The following WSB1 variants were observed in gnomAD, a reference collection of about 807,000 sequenced individuals.
The protein encoded by WSB1 is WD repeat and SOCS box-containing protein 1.
A neutral mutation model predicts 50.2 loss-of-function variants in WSB1; 23 were observed. The ratio of observed to expected loss-of-function variants is 0.46; its 90% confidence interval spans 0.33 to 0.65. The LOEUF (loss-of-function observed/expected upper bound fraction) is 0.65. Ranked by LOEUF, WSB1 falls within the 30% of genes least tolerant of loss-of-function variation. The pLI is 0.02. For synonymous variants in WSB1, 179 were observed against 172.0 expected (o/e 1.04, Z -0.32); for missense variants, 492 against 522.3 (o/e 0.94, Z 0.56).
Position 27,314,267 on chromosome 17 carries a change from T to C in WSB1, c.*1898T>C, listed in dbSNP as rs1393124911. The stretch of plus-strand genomic sequence containing the variant: ...CCCCTGCATTTTACTTTGTAATATA[T>C]CGGCTTTATAATTTTAAAATACACT... On this transcript the variant is annotated 3_prime_UTR_variant, in exon 9 of 9. Transcript: ENST00000262394. The C allele has an allele frequency of 2.0e-5, 3 of 152,194 alleles. No individual in the cohort carries two copies. The highest frequency in any genetic ancestry group is 7.2e-5 in the African/African-American group (3 of 41,458). 9.4% of individuals were successfully genotyped at this position (152,194 alleles called of 1,614,324 possible). A position where few individuals can be genotyped will look rare whatever the true frequency, so the allele number is the denominator to read the frequency against.
chr17:27,301,271 C>CT (rs1266070367), intron 1 of WSB1, among the ~76,000 whole-genome samples: 2 of 152,020 alleles, frequency 1.3e-5, no homozygotes, highest in Non-Finnish European at 2.9e-5. Flanking sequence ...TGACCTGGGC[C>CT]TGAAAAGGGT....
rs758957078 is a variant in WSB1 at position 27,304,885 on chromosome 17, T to C, written c.584T>C (p.Leu195Pro). The C allele has an allele frequency of 1.2e-6, 2 of 1,614,054 alleles. No homozygotes were observed. Among genetic ancestry groups the C allele is most frequent in the Non-Finnish European group, 1.7e-6 (2 of 1,179,964 alleles). Residue 195 changes from leucine (L) to proline (P), a missense_variant, in exon 4 of 9, where the codon CTC becomes CCC. Coordinates refer to ENST00000262394, the MANE Select transcript of WSB1 (RefSeq NM_015626.10). ...GTGTCAGCTTCAAGAGACAAAACTC[T>C]CAGAGTATGGGACCTGAAAGATGAT... is the stretch of plus-strand genomic sequence containing the variant. ...ILVSASRDKT[L>P]RVWDLKDDGN...
intron 8 of WSB1, among the ~76,000 whole-genome samples, chr17:27,311,901 A>C (rs543471071): frequency 1.3e-5 from 2 of 151,688 alleles, no homozygotes. Flanking sequence ...TCCCGCCTCA[A>C]CTTCCCAAAG....
rs564213739 is a variant in WSB1 at position 27,312,473 on chromosome 17, A to G, written c.*104A>G. ...CTGTTTTTAAAGACGTAGAAGATTT[A>G]TTTAATTTGATATGTTCTTGTACTG... is the stretch of plus-strand genomic sequence containing the variant. On this transcript the variant is annotated 3_prime_UTR_variant, in exon 9 of 9. Transcript: ENST00000262394. The G allele has an allele frequency of 1.4e-6, 2 of 1,446,276 alleles. No homozygotes were observed. The highest frequency in any genetic ancestry group is 2.3e-5 in the East Asian group (1 of 43,594). 89.6% of individuals were successfully genotyped at this position (1,446,276 alleles called of 1,614,324 possible). A position where few individuals can be genotyped will look rare whatever the true frequency, so the allele number is the denominator to read the frequency against.
intron 1 of WSB1, among the ~76,000 whole-genome samples, chr17:27,296,895 TTTATAAAA>T (rs1392788814): frequency 6.6e-6 from 1 of 152,210 alleles, no homozygotes; most frequent in Non-Finnish European, 1.5e-5. Flanking sequence ...TTGTGCTAGG[TTTATAAAA>T]TTGTACCAGT....
chr17:27,301,543 A>G (rs931014518), intron 1 of WSB1, among the ~76,000 whole-genome samples: 1 of 152,206 alleles, frequency 6.6e-6, no homozygotes, highest in African/African-American at 2.4e-5. Context: ...TTTTACGGAA[A>G]CTTTCTTAAA....
intron 1 of WSB1, among the ~76,000 whole-genome samples, chr17:27,294,730 G>A (rs2016878723): frequency 6.6e-6 from 1 of 152,178 alleles, no homozygotes; most frequent in Admixed American, 6.5e-5. Context: ...GGGAGTTCTT[G>A]GCTCAGGGCA....
chr17:27,312,599 A>G lies in WSB1; in HGVS notation c.*230A>G, dbSNP rs2017729938. 1 of 505,636 alleles carries G rather than the reference A, an allele frequency of 2.0e-6. No individual in the cohort carries two copies. Among genetic ancestry groups the G allele is most frequent in the African/African-American group, 2.0e-5 (1 of 50,270 alleles). The allele number at this position is 505,636 out of a possible 1,614,324, so 31.3% of individuals were successfully genotyped here. ...TTTTTAAAGATCTAACTGTGAAAAC[A>G]TACATACCTGTACATATTTAGATAT... On this transcript the variant is annotated 3_prime_UTR_variant, in exon 9 of 9. Transcript: ENST00000262394.
At chr17:27,300,696 G>GT (rs561073047) in intron 1 of WSB1, among the ~76,000 whole-genome samples, 16,162 of 139,946 alleles carry the variant, frequency 0.12, 2,400 homozygotes, top group African/African-American at 0.35. Context: ...GGTTTTTTTT[G>GT]TTTTTTTTTT....
chr17:27,308,456 A>C (rs1443959376), intron 5 of WSB1: 1 of 984,628 alleles, frequency 1.0e-6, no homozygotes. Flanking sequence ...AGATGGTTAA[A>C]TTTTGATTTA....
At chr17:27,299,464 T>C (rs1167418909) in intron 1 of WSB1, among the ~76,000 whole-genome samples, 2 of 152,318 alleles carry the variant, frequency 1.3e-5, no homozygotes, top group South Asian at 2.1e-4. Flanking sequence ...TGCGCAGTTA[T>C]TGTGCTACTG....
At chr17:27,303,329 A>G in intron 2 of WSB1, 38 bp from the exon 3 acceptor site, 1 of 1,604,332 alleles carries the variant, frequency 6.2e-7, no homozygotes, top group Non-Finnish European at 8.5e-7. Flanking sequence ...TCCAGAGTGA[A>G]TAATAATACA....
At chr17:27,294,681 C>T (rs886457906) in intron 1 of WSB1, among the ~76,000 whole-genome samples, 2 of 152,150 alleles carry the variant, frequency 1.3e-5, no homozygotes, top group East Asian at 1.9e-4. Flanking sequence ...GCAAGGACCC[C>T]GGTTTCTTCG....
At chr17:27,303,755 G>C (rs1294559963) in intron 3 of WSB1, 120 bp downstream of exon 3, 3 of 1,278,734 alleles carry the variant, frequency 2.3e-6, no homozygotes, top group Non-Finnish European at 3.2e-6. Flanking sequence ...TGATGGCATA[G>C]GTGCGTCTTT....
chr17:27,294,286 TC>T lies in WSB1; in HGVS notation c.-107del. ...CGGCCGCCCCCGCCCGTCTCCTCTGTCCCTGGGCCCGGGAGGGACCAACTTG... is the reference window on the plus strand; with the variant it reads ...CGGCCGCCCCCGCCCGTCTCCTCTGTCCTGGGCCCGGGAGGGACCAACTTG... On this transcript the variant is annotated 5_prime_UTR_variant, in exon 1 of 9. Coordinates refer to ENST00000262394, the MANE Select transcript of WSB1 (RefSeq NM_015626.10). 1 of 1,466,608 alleles carries T rather than the reference TC, an allele frequency of 6.8e-7. No individual in the cohort carries two copies. Among genetic ancestry groups the T allele is most frequent in the Non-Finnish European group, 9.3e-7 (1 of 1,075,086 alleles). 90.8% of individuals were successfully genotyped at this position (1,466,608 alleles called of 1,614,324 possible).
chr17:27,298,750 G>A (rs1331685763), intron 1 of WSB1, among the ~76,000 whole-genome samples: 1 of 152,128 alleles, frequency 6.6e-6, no homozygotes, highest in Non-Finnish European at 1.5e-5. Context: ...TGTAATCCCA[G>A]CTACTCGGGA....
At chr17:27,307,422 TTGA>T (rs1214170009) in intron 5 of WSB1, 1 of 389,290 alleles carries the variant, frequency 2.6e-6, no homozygotes, top group Non-Finnish European at 4.6e-6. Context: ...GTTATGCTTA[TTGA>T]TGAACTCTTG....
chr17:27,297,400 CT>C (rs1167400736), intron 1 of WSB1: 2 of 151,576 alleles, frequency 1.3e-5, no homozygotes, highest in African/African-American at 4.8e-5. Flanking sequence ...AACTCCTGAC[CT>C]CAGGTGATTC....
At chr17:27,311,684 T>C (rs983027122) in intron 8 of WSB1, 68 bp downstream of exon 8, 14 of 1,142,124 alleles carry the variant, frequency 1.2e-5, no homozygotes, top group African/African-American at 3.5e-5. Context: ...CAGGCTGGAG[T>C]ACAGTGGTGC....
Sources: gnomAD v4.1 joint callset for allele counts (sites outside exome capture counted in the v4.1 genomes callset) on GRCh38, gnomAD v4.1.1 for gene constraint, MANE v1.5 for transcripts, NCBI Gene and HGNC (gene_info 2026-07-23, HGNC 2026-07-21) for gene names.